The following C12orf56 variants were observed in gnomAD, a reference collection of about 807,000 sequenced individuals.
C12orf56 encodes uncharacterized protein C12orf56.
C12orf56 carries 71 observed loss-of-function variants against 69.9 expected under a neutral mutation model. The observed-to-expected ratio is 1.02, with a 90% CI of 0.84 to 1.24. The LOEUF (loss-of-function observed/expected upper bound fraction) is 1.24. Ranked by LOEUF, C12orf56 falls within the 50% of genes most tolerant of loss-of-function variation. The pLI is 0.00. For missense variants in C12orf56, 732 were observed against 738.5 expected (o/e 0.99, Z 0.10); for synonymous variants, 276 against 274.1 (o/e 1.01, Z -0.07).
At position 64,379,927 on chromosome 12, in the gene C12orf56, CAAAAA is replaced by C. The variant is rs200293677; in HGVS notation, c.252+10382_252+10386del. ...TGAAACCCCGTCTCCACTAAAAATACAAAAAAAAAAAAAAAAAAAAAAAAGTCTCC... is the reference window on the plus strand; with the variant it reads ...TGAAACCCCGTCTCCACTAAAAATACAAAAAAAAAAAAAAAAAAAGTCTCC... On this transcript the variant is annotated intron_variant, in intron 1 of 12. Transcript: ENST00000543942. 4.4e-3 allele frequency among the ~76,000 whole-genome samples: 497 copies of C among 114,076 alleles called. 5 individuals are homozygous for C. The highest frequency in any genetic ancestry group is 0.021 in the African/African-American group (448 of 21,478). The allele number at this position is 114,076 out of a possible 152,430, so 74.8% of individuals were successfully genotyped here. A position where few individuals can be genotyped will look rare whatever the true frequency, so the allele number is the denominator to read the frequency against.
intron 1 of C12orf56, among the ~76,000 whole-genome samples, chr12:64,358,610 G>A (rs1160966914): frequency 6.6e-6 from 1 of 150,966 alleles, no homozygotes; most frequent in East Asian, 2.0e-4. Flanking sequence ...CCTGGCCAAC[G>A]TGTTGAAACT....
intron 2 of C12orf56, among the ~76,000 whole-genome samples, chr12:64,333,629 G>T (rs1039449589): frequency 6.6e-6 from 1 of 152,192 alleles, no homozygotes; most frequent in Non-Finnish European, 1.5e-5. Flanking sequence ...AGCCTCCTGA[G>T]TAGCTGGGAT....
At chr12:64,344,911 A>C (rs2039120598) in intron 2 of C12orf56, among the ~76,000 whole-genome samples, 1 of 152,244 alleles carries the variant, frequency 6.6e-6, no homozygotes, top group African/African-American at 2.4e-5. Context: ...TCAGCTAACC[A>C]AGCAAATAAA....
chr12:64,366,893 A>G (rs888292504), intron 1 of C12orf56, among the ~76,000 whole-genome samples: 1 of 126,526 alleles, frequency 7.9e-6, no homozygotes, highest in African/African-American at 3.2e-5. Context: ...ATTATATAAC[A>G]TACAGTTTAT....
intron 2 of C12orf56, among the ~76,000 whole-genome samples, chr12:64,351,187 C>G (rs2039217531): frequency 6.6e-6 from 1 of 152,144 alleles, no homozygotes; most frequent in South Asian, 2.1e-4. Flanking sequence ...CCCATGCACC[C>G]AAATCTTAGC....
chr12:64,316,509 G>A (rs954980695), intron 4 of C12orf56, among the ~76,000 whole-genome samples: 4 of 152,124 alleles, frequency 2.6e-5, no homozygotes, highest in Non-Finnish European at 4.4e-5. Flanking sequence ...CTCAGCCTCT[G>A]GAGTAACTAG....
chr12:64,367,943 G>T (rs1317243374), intron 1 of C12orf56, among the ~76,000 whole-genome samples: 1 of 151,252 alleles, frequency 6.6e-6, no homozygotes, highest in Admixed American at 6.6e-5. Context: ...GAGTAGCTGG[G>T]ATTACAGGTG....
chr12:64,362,619 G>A (rs1459540284), intron 1 of C12orf56, among the ~76,000 whole-genome samples: 4 of 152,104 alleles, frequency 2.6e-5, no homozygotes, highest in Non-Finnish European at 5.9e-5. Context: ...TTCAACCTGG[G>A]GGGCAGAGGT....
chr12:64,356,676 C>G (rs1333390023), intron 1 of C12orf56, among the ~76,000 whole-genome samples: 2 of 151,998 alleles, frequency 1.3e-5, no homozygotes, highest in Non-Finnish European at 2.9e-5. Flanking sequence ...AGCAGGTGAC[C>G]AGGGGAACAG....
At chr12:64,314,118 C>A (rs140911381) in intron 4 of C12orf56, among the ~76,000 whole-genome samples, 192 of 149,488 alleles carry the variant, frequency 1.3e-3, no homozygotes, top group Middle Eastern at 6.8e-3. Flanking sequence ...CAGGGTCTCA[C>A]TCTGTCACCC....
chr12:64,360,340 G>A (rs562350537), intron 1 of C12orf56, among the ~76,000 whole-genome samples: 22 of 152,108 alleles, frequency 1.4e-4, no homozygotes, highest in African/African-American at 3.1e-4. Flanking sequence ...CAGGAGAATC[G>A]CTTGAACCCG....
At chr12:64,316,620 T>A (rs1366124739) in intron 4 of C12orf56, among the ~76,000 whole-genome samples, 1 of 152,146 alleles carries the variant, frequency 6.6e-6, no homozygotes, top group Non-Finnish European at 1.5e-5. Context: ...CCACATTTAT[T>A]TCAATGGTCA....
At chr12:64,284,396 G>A (rs2038172669) in intron 8 of C12orf56, among the ~76,000 whole-genome samples, 1 of 152,150 alleles carries the variant, frequency 6.6e-6, no homozygotes, top group Admixed American at 6.5e-5. Flanking sequence ...TGGGTCATTT[G>A]GTCTTTTTCA....
At chr12:64,306,901 A>G (rs1383356757) in intron 5 of C12orf56, among the ~76,000 whole-genome samples, 1 of 152,186 alleles carries the variant, frequency 6.6e-6, no homozygotes, top group Non-Finnish European at 1.5e-5. Context: ...TTTAAACTGA[A>G]GATGCCTTGC....
chr12:64,277,705 A>G lies in C12orf56; in HGVS notation c.1409T>C (p.Leu470Ser), dbSNP rs2038070770. ...CTCAGCGTCAAAAGACATTCTGACT[A>G]AAGCTGAATCAGCCACCAACTGGAT... ...FDIQLVADSALVRMSFDAELQ... is the reference protein window; with the variant it reads ...FDIQLVADSASVRMSFDAELQ... Residue 470 changes from leucine (L) to serine (S), a missense_variant, in exon 9 of 13, where the codon TTA becomes TCA. Physicochemically the swap from Leu to Ser is moderately radical, Grantham distance 145. Transcript: ENST00000543942. The G allele has an allele frequency of 6.3e-7, 1 of 1,590,970 alleles. No individual in the cohort carries two copies. The highest frequency in any genetic ancestry group is 1.2e-5 in the South Asian group (1 of 86,324).
At chr12:64,308,940 G>GAAAGAAAGAAAAA in intron 5 of C12orf56, among the ~76,000 whole-genome samples, 1 of 80,878 alleles carries the variant, frequency 1.2e-5, no homozygotes, top group African/African-American at 4.6e-5. Flanking sequence ...AAGAAAGAAA[G>GAAAGAAAGAAAAA]AAGAAAGAAA....
intron 2 of C12orf56, among the ~76,000 whole-genome samples, chr12:64,350,097 A>G (rs1565769229): frequency 2.4e-5 from 2 of 82,314 alleles, no homozygotes; most frequent in Non-Finnish European, 5.8e-5. Context: ...GTCTCAGAAA[A>G]AAAAAAAAAA....
intron 2 of C12orf56, chr12:64,338,266 G>C: frequency 1.9e-6 from 1 of 530,494 alleles, no homozygotes; most frequent in Non-Finnish European, 3.7e-6. Context: ...GGCTTTCCAG[G>C]GTATTGGAAA....
intron 1 of C12orf56, among the ~76,000 whole-genome samples, chr12:64,356,186 A>AAC (rs2039313546): frequency 2.0e-5 from 3 of 150,050 alleles, no homozygotes; most frequent in South Asian, 4.2e-4. Flanking sequence ...AAAAAAAAAA[A>AAC]AAAAAAAAAA....
Sources: gnomAD v4.1 joint callset for allele counts (sites outside exome capture counted in the v4.1 genomes callset) on GRCh38, gnomAD v4.1.1 for gene constraint, MANE v1.5 for transcripts, NCBI Gene and HGNC (gene_info 2026-07-23, HGNC 2026-07-21) for gene names.